FCHSD2: variants seen among roughly 807,000 people sequenced by gnomAD.
FCHSD2 encodes F-BAR and double SH3 domains protein 2.
FCHSD2 carries 38 observed loss-of-function variants against 108.1 expected under a neutral mutation model. The ratio of observed to expected loss-of-function variants is 0.35; its 90% CI spans 0.27 to 0.46. The LOEUF (loss-of-function observed/expected upper bound fraction) is 0.46, where lower values mean the gene tolerates loss of function less well. Ranked by LOEUF, FCHSD2 falls within the 20% of genes least tolerant of loss-of-function variation. FCHSD2 has a pLI of 1.00. For synonymous variants in FCHSD2, 279 were observed against 314.7 expected, an observed-to-expected ratio of 0.89 and a Z score of 1.20; for missense variants, 751 against 897.8, an observed-to-expected ratio of 0.84 and a Z score of 2.09.
intron 3 of FCHSD2, among the ~76,000 whole-genome samples, chr11:73,056,731 G>A (rs1229907800): frequency 6.6e-6 from 1 of 152,132 alleles, no homozygotes; most frequent in African/African-American, 2.4e-5. Flanking sequence ...TACTACAGGA[G>A]AGCACATGAG....
chr11:73,013,456 A>G (rs535049164), intron 4 of FCHSD2, among the ~76,000 whole-genome samples: 1 of 152,296 alleles, frequency 6.6e-6, no homozygotes, highest in South Asian at 2.1e-4. Flanking sequence ...GACAGACAAC[A>G]TATCTTCTAG....
Position 73,083,738 on chromosome 11 carries a change from G to A in FCHSD2, c.122C>T (p.Thr41Ile). The change falls in exon 3 of 20, where the codon ACA becomes ATA. Residue 41 changes from threonine (T) to isoleucine (I), a missense_variant and splice_region_variant. By Grantham distance (89) the Thr-to-Ile change is moderately conservative (BLOSUM62 -1). Transcript: ENST00000409418. ...AECDLLEDMR[T>I]FSQKKAAIER... ...AATAGCAGCCTTCTTCTGACTGAAT[G>A]TCCTAAAAATACAAAGAAAAATTAA... The A allele has an allele frequency of 6.5e-7, 1 of 1,538,922 alleles. No homozygotes were observed. The highest frequency in any genetic ancestry group is 2.0e-5 in the Admixed American group (1 of 50,960).
intron 3 of FCHSD2, among the ~76,000 whole-genome samples, chr11:73,039,423 T>A (rs1469087047): frequency 2.0e-5 from 3 of 150,840 alleles, no homozygotes; most frequent in Admixed American, 2.0e-4. Flanking sequence ...GAGGCAGAGG[T>A]GAGAGACTCG....
chr11:73,128,126 G>C (rs548463172), intron 2 of FCHSD2, among the ~76,000 whole-genome samples: 2 of 151,618 alleles, frequency 1.3e-5, no homozygotes, highest in South Asian at 4.2e-4. Context: ...AGAATCCTAA[G>C]AGGCCAAAAT....
Position 73,121,174 on chromosome 11 carries a change from TAC to T in FCHSD2, c.119+18855_119+18856del, listed in dbSNP as rs34381314. The stretch of plus-strand genomic sequence containing the variant: ...ACTCTCTCTCTTATACACATACACA[TAC>T]ACACACACACACACACGCATGCACG... On this transcript the variant is annotated intron_variant, in intron 2 of 19. Coordinates refer to ENST00000409418, the MANE Select transcript of FCHSD2 (RefSeq NM_014824.3). Among the ~76,000 whole-genome samples, 1,233 of 148,166 alleles carry T rather than the reference TAC, an allele frequency of 8.3e-3. 8 individuals are homozygous for T. Among genetic ancestry groups the T allele is most frequent in the African/African-American group, 0.025 (1,033 of 40,722 alleles).
At chr11:72,965,577 A>G (rs955613135) in intron 8 of FCHSD2, among the ~76,000 whole-genome samples, 2 of 152,210 alleles carry the variant, frequency 1.3e-5, no homozygotes, top group Non-Finnish European at 1.5e-5. Flanking sequence ...TTTATTTCTG[A>G]AACTTTTTGT....
intron 4 of FCHSD2, among the ~76,000 whole-genome samples, chr11:73,008,454 G>A (rs115089126): frequency 8.5e-4 from 129 of 152,304 alleles, no homozygotes; most frequent in African/African-American, 3.0e-3. Flanking sequence ...ATTGGTAGTA[G>A]AAAGGGAGAA....
chr11:73,129,669 A>G (rs1012987513), intron 2 of FCHSD2, among the ~76,000 whole-genome samples: 8 of 152,148 alleles, frequency 5.3e-5, no homozygotes, highest in African/African-American at 1.9e-4. Context: ...ACAATGTAAC[A>G]ATAATAGGAA....
chr11:73,091,677 C>CT (rs2135522983), intron 2 of FCHSD2, among the ~76,000 whole-genome samples: 1 of 152,360 alleles, frequency 6.6e-6, no homozygotes, highest in East Asian at 1.9e-4. Flanking sequence ...CTTTCATGTT[C>CT]TAGCAAATGT....
At chr11:72,858,193 C>A (rs1052174836) in intron 13 of FCHSD2, among the ~76,000 whole-genome samples, 57 of 152,200 alleles carry the variant, frequency 3.7e-4, no homozygotes, top group African/African-American at 1.3e-3. Flanking sequence ...AATAGAATCT[C>A]TCAACTCCAC....
intron 8 of FCHSD2, among the ~76,000 whole-genome samples, chr11:72,923,832 G>A (rs1781883018): frequency 6.6e-6 from 1 of 152,092 alleles, no homozygotes; most frequent in Non-Finnish European, 1.5e-5. Flanking sequence ...CCAGCTACTT[G>A]GCAGGCTGAG....
At chr11:73,119,296 C>T (rs532008935) in intron 2 of FCHSD2, among the ~76,000 whole-genome samples, 17 of 146,912 alleles carry the variant, frequency 1.2e-4, no homozygotes, top group Non-Finnish European at 1.8e-4. Flanking sequence ...GAGCGAGACT[C>T]TGCCTCAAAA....
chr11:73,099,595 T>C (rs540472315), intron 2 of FCHSD2, among the ~76,000 whole-genome samples: 1 of 152,328 alleles, frequency 6.6e-6, no homozygotes, highest in Admixed American at 6.5e-5. Flanking sequence ...GGTATATACA[T>C]ACAACCGAGT....
intron 3 of FCHSD2, among the ~76,000 whole-genome samples, chr11:73,072,181 C>T (rs1591531493): frequency 6.6e-6 from 1 of 151,070 alleles, no homozygotes; most frequent in Non-Finnish European, 1.5e-5. Flanking sequence ...CCTCTCTCCA[C>T]TCTGTTTTAT....
intron 10 of FCHSD2, among the ~76,000 whole-genome samples, chr11:72,892,893 C>T (rs554788262): frequency 4.9e-5 from 5 of 102,292 alleles, no homozygotes; most frequent in South Asian, 3.9e-4. Flanking sequence ...TGTGAGCCAC[C>T]GTGCGTGGCT....
intron 8 of FCHSD2, 30 bp from the exon 9 acceptor site, chr11:72,921,980 A>T: frequency 1.3e-6 from 2 of 1,510,480 alleles, no homozygotes; most frequent in Non-Finnish European, 1.8e-6. Flanking sequence ...AAAAGAAAAA[A>T]AATTACAGTA....
At position 72,959,220 on chromosome 11, in the gene FCHSD2, C is replaced by CTTTTTT. The variant is rs11408216; in HGVS notation, c.705+24862_705+24867dup. Among the ~76,000 whole-genome samples, 280 of 56,328 alleles carry CTTTTTT rather than the reference C, an allele frequency of 5.0e-3. 95 individuals carry two copies. Among genetic ancestry groups the CTTTTTT allele is most frequent in the East Asian group, 0.015 (20 of 1,328 alleles). 37.0% of individuals were successfully genotyped at this position (56,328 alleles called of 152,430 possible). A position where few individuals can be genotyped will look rare whatever the true frequency, so the allele number is the denominator to read the frequency against. ...TTTTCCACTTCATATATCCAGCAGT[C>CTTTTTT]TTTTTTTTTTTTTTTTTTTTTTTTT... On this transcript the variant is annotated intron_variant, in intron 8 of 19. Coordinates refer to ENST00000409418, the MANE Select transcript of FCHSD2 (RefSeq NM_014824.3).
chr11:73,081,305 G>A lies in FCHSD2; in HGVS notation c.165+2390C>T, dbSNP rs370594630. Reference sequence around the variant, plus strand: ...AAAAATTAGAAGGGCATGGTGGCACGCACCTGTAGTCCCAGCTATTCGGGA... The same window carrying A: ...AAAAATTAGAAGGGCATGGTGGCACACACCTGTAGTCCCAGCTATTCGGGA... On this transcript the variant is annotated intron_variant, in intron 3 of 19. Transcript: ENST00000409418. Among the ~76,000 whole-genome samples the A allele has an allele frequency of 9.9e-5, 15 of 152,058 alleles. No homozygotes were observed. The East Asian group carries it at 2.1e-3, about 22-fold the overall frequency.
chr11:72,958,128 G>A (rs112512641), intron 8 of FCHSD2, among the ~76,000 whole-genome samples: 66 of 152,216 alleles, frequency 4.3e-4, no homozygotes, highest in Middle Eastern at 3.4e-3. Context: ...GAAAACCTCA[G>A]CAATAAGTGT....
Sources: gnomAD v4.1 joint callset for allele counts (sites outside exome capture counted in the v4.1 genomes callset) on GRCh38, gnomAD v4.1.1 for gene constraint, MANE v1.5 for transcripts, NCBI Gene and HGNC (gene_info 2026-07-23, HGNC 2026-07-21) for gene names.